Variants in PAK3 observed in about 807,000 individuals in gnomAD.
PAK3 encodes the protein serine/threonine-protein kinase PAK 3.
A neutral mutation model predicts 41.0 loss-of-function variants in PAK3; 4 were observed. That is an observed-to-expected ratio of 0.10 (90% CI 0.05 to 0.22). The LOEUF is 0.22. PAK3 is among the 10% of genes least tolerant of loss of function. The pLI is 1.00. For synonymous variants in PAK3, 146 were observed against 139.6 expected (o/e 1.05, Z -0.32); for missense variants, 205 against 409.9 (o/e 0.50, Z 4.32).
intron 10 of PAK3, among the ~76,000 whole-genome samples, chrX:111,167,791 T>C (rs1197969820): frequency 5.4e-5 from 6 of 110,285 alleles, no homozygotes; most frequent in Non-Finnish European, 9.5e-5. Context: ...GGTTGATAGG[T>C]GCAGCAAACC....
intron 1 of PAK3, among the ~76,000 whole-genome samples, chrX:110,949,453 A>G (rs1171613956): frequency 8.9e-6 from 1 of 111,762 alleles, no homozygotes; most frequent in African/African-American, 3.3e-5. Context: ...GATCCCCTTG[A>G]AAGTCATGAA....
intron 5 of PAK3, among the ~76,000 whole-genome samples, chrX:111,129,902 G>A (rs2093695406): frequency 9.0e-6 from 1 of 111,360 alleles, no homozygotes; most frequent in African/African-American, 3.3e-5. Flanking sequence ...AATTGACAAA[G>A]GCTAAGGGAT....
intron 1 of PAK3, among the ~76,000 whole-genome samples, chrX:111,080,122 T>C (rs2092822016): frequency 8.9e-6 from 1 of 112,527 alleles, no homozygotes; most frequent in Non-Finnish European, 1.9e-5. Context: ...ATGAACTTAG[T>C]TGATAAAGCA....
chrX:111,130,231 G>A (rs1472177228), intron 5 of PAK3, among the ~76,000 whole-genome samples: 1 of 111,566 alleles, frequency 9.0e-6, no homozygotes, highest in African/African-American at 3.3e-5. Flanking sequence ...GAGTGGGGGT[G>A]ACTTGAAGGG....
chrX:111,124,679 T>G (rs1010214463), intron 5 of PAK3, among the ~76,000 whole-genome samples: 1 of 111,655 alleles, frequency 9.0e-6, no homozygotes, highest in Non-Finnish European at 1.9e-5. Context: ...TTCCATTTTT[T>G]GCCAATACTT....
rs1602962312 is a variant in PAK3, at chrX:111,040,221, C to G, written c.-27-82856C>G. Among the ~76,000 whole-genome samples the G allele has an allele frequency of 4.5e-5, 5 of 110,345 alleles. No homozygotes were observed. The Admixed American group carries it at 4.8e-4, about 11-fold the overall frequency. On this transcript the variant is annotated intron_variant, in intron 1 of 14. Coordinates refer to the PAK3 transcript ENST00000425146. ...CACCGAATGAGTTACTTAAACTCAC[C>G]AAGCTTCGATTTCCCCTTCTCTAAA...
intron 1 of PAK3, among the ~76,000 whole-genome samples, chrX:111,005,084 A>G (rs1286460251): frequency 8.9e-6 from 1 of 112,350 alleles, no homozygotes; most frequent in African/African-American, 3.2e-5. Context: ...TTACAAAGCA[A>G]CTTTGAAGCC....
intron 10 of PAK3, among the ~76,000 whole-genome samples, chrX:111,165,525 T>C (rs181717446): frequency 3.6e-5 from 4 of 112,471 alleles, no homozygotes; most frequent in Non-Finnish European, 7.5e-5. Context: ...AAGCTTACAC[T>C]TTTTCCATTA....
chrX:111,089,106 T>C (rs1399320648), intron 1 of PAK3, among the ~76,000 whole-genome samples: 2 of 112,347 alleles, frequency 1.8e-5, no homozygotes, highest in African/African-American at 6.5e-5. Flanking sequence ...CAAGTCTGAA[T>C]AAAGTCAGTA....
intron 11 of PAK3, among the ~76,000 whole-genome samples, chrX:111,173,535 G>A (rs2094371301): frequency 9.0e-6 from 1 of 111,217 alleles, no homozygotes; most frequent in Admixed American, 9.6e-5. Flanking sequence ...CCGGAGGTAG[G>A]CAGAGTTGAC....
At chrX:111,012,924 C>T (rs1007926823) in intron 1 of PAK3, among the ~76,000 whole-genome samples, 1 of 111,741 alleles carries the variant, frequency 8.9e-6, no homozygotes, top group South Asian at 3.8e-4. Context: ...GCTGAAATCA[C>T]AGCCATGTGT....
intron 1 of PAK3, among the ~76,000 whole-genome samples, chrX:111,006,240 T>C (rs2091921271): frequency 8.9e-6 from 1 of 112,130 alleles, no homozygotes; most frequent in African/African-American, 3.2e-5. Flanking sequence ...CACATTTGAA[T>C]ATGGACTATA....
intron 13 of PAK3, among the ~76,000 whole-genome samples, chrX:111,193,402 T>G (rs957449573): frequency 2.0e-5 from 2 of 100,783 alleles, no homozygotes; most frequent in Non-Finnish European, 4.0e-5. Context: ...CAGGCTAGAG[T>G]GCAGTGGCGT....
intron 1 of PAK3, among the ~76,000 whole-genome samples, chrX:110,954,014 T>C (rs2090799462): frequency 8.9e-6 from 1 of 111,857 alleles, no homozygotes; most frequent in South Asian, 3.8e-4. Context: ...TCTTCTTCCC[T>C]TCATTAAATT....
chrX:111,182,031 G>A lies in PAK3; in HGVS notation c.830+8950G>A, dbSNP rs146594599. Reference sequence around the variant, plus strand: ...TCTACTTAATGCTCTTAAATGCACTGTGTTGTGTGCTGTCCCTTGTAAAGA... The same window carrying A: ...TCTACTTAATGCTCTTAAATGCACTATGTTGTGTGCTGTCCCTTGTAAAGA... On this transcript the variant is annotated intron_variant, in intron 11 of 17. Transcript: ENST00000372007. Among the ~76,000 whole-genome samples the A allele has an allele frequency of 4.4e-3, 487 of 111,881 alleles. 2 individuals are homozygous for A. The highest frequency in any genetic ancestry group is 0.015 in the African/African-American group (469 of 30,859).
chrX:110,951,371 C>T (rs192404233), intron 1 of PAK3, among the ~76,000 whole-genome samples: 2 of 112,400 alleles, frequency 1.8e-5, no homozygotes, highest in African/African-American at 6.5e-5. Flanking sequence ...TATAAGCCAA[C>T]AATGCCACAA....
rs773758689 is a variant in PAK3 at position 111,074,951 on chromosome X, T to A, written c.-27-48126T>A. Among the ~76,000 whole-genome samples the A allele has an allele frequency of 2.7e-5, 3 of 111,439 alleles. No homozygotes were observed. In the East Asian group the frequency reaches 8.5e-4, roughly 32 times the overall value. On this transcript the variant is annotated intron_variant, in intron 1 of 14. Coordinates refer to the PAK3 transcript ENST00000425146. ...GTCTGTGTGTGTTTGAACCCAAGAG[T>A]GATGACTTTGGGTATCTGGTGGAAG...
chrX:111,089,442 A>T (rs1026629042), intron 1 of PAK3, among the ~76,000 whole-genome samples: 3 of 112,320 alleles, frequency 2.7e-5, no homozygotes, highest in Admixed American at 1.9e-4. Flanking sequence ...AGATTTGAAT[A>T]TTGGGTACTG....
chrX:111,018,178 A>C (rs1161927508), intron 1 of PAK3, among the ~76,000 whole-genome samples: 2 of 111,927 alleles, frequency 1.8e-5, no homozygotes, highest in African/African-American at 3.2e-5. Context: ...GATCAGAACA[A>C]GACAAGGATG....
Sources: gnomAD v4.1 joint callset for allele counts (sites outside exome capture counted in the v4.1 genomes callset) on GRCh38, gnomAD v4.1.1 for gene constraint, MANE v1.5 for transcripts, NCBI Gene and HGNC (gene_info 2026-07-23, HGNC 2026-07-21) for gene names.